PHACTR3: variants seen among roughly 807,000 people sequenced by gnomAD.
PHACTR3 encodes the protein protein phosphatase 1, regulatory subunit 123.
PHACTR3 carries 16 observed loss-of-function variants against 66.8 expected under a neutral mutation model. That is an observed-to-expected ratio of 0.24 (90% CI 0.16 to 0.36). The LOEUF (loss-of-function observed/expected upper bound fraction) is 0.36, where lower values mean the gene tolerates loss of function less well. PHACTR3 is among the 10% of genes least tolerant of loss of function. PHACTR3 has a pLI of 1.00. For synonymous variants in PHACTR3, 323 were observed against 292.1 expected (o/e 1.11, Z -1.08); for missense variants, 647 against 719.9 (o/e 0.90, Z 1.16).
chr20:59,642,494 C>A (rs1021186768), intron 1 of PHACTR3, among the ~76,000 whole-genome samples: 1 of 150,958 alleles, frequency 6.6e-6, no homozygotes, highest in Non-Finnish European at 1.5e-5. Flanking sequence ...ACATTTTTCC[C>A]GTGTCGGGAT....
intron 1 of PHACTR3, among the ~76,000 whole-genome samples, chr20:59,670,906 A>G (rs991247780): frequency 6.6e-6 from 1 of 152,072 alleles, no homozygotes; most frequent in African/African-American, 2.4e-5. Context: ...AGCACCTTAA[A>G]TGTTCTTGCC....
At chr20:59,752,155 A>G (rs1206262174) in intron 3 of PHACTR3, among the ~76,000 whole-genome samples, 1 of 152,146 alleles carries the variant, frequency 6.6e-6, no homozygotes, top group Non-Finnish European at 1.5e-5. Flanking sequence ...TCTGGTTTCC[A>G]TGTGGTAGGA....
intron 1 of PHACTR3, among the ~76,000 whole-genome samples, chr20:59,666,960 G>C (rs2036016028): frequency 6.6e-6 from 1 of 152,190 alleles, no homozygotes; most frequent in Admixed American, 6.5e-5. Context: ...CATTACCTTT[G>C]AGGGTCGTTT....
intron 1 of PHACTR3, among the ~76,000 whole-genome samples, chr20:59,692,255 C>A (rs549144219): frequency 6.6e-6 from 1 of 152,208 alleles, no homozygotes; most frequent in Non-Finnish European, 1.5e-5. Flanking sequence ...CAAGCCTGTA[C>A]CCAACGGGGC....
intron 5 of PHACTR3, among the ~76,000 whole-genome samples, chr20:59,771,114 C>A (rs976324221): frequency 2.0e-5 from 3 of 152,186 alleles, no homozygotes; most frequent in Admixed American, 6.5e-5. Flanking sequence ...CTGTGATTGA[C>A]AGTGGGGCAG....
intron 1 of PHACTR3, among the ~76,000 whole-genome samples, chr20:59,622,404 G>A (rs567442968): frequency 6.6e-6 from 1 of 152,290 alleles, no homozygotes; most frequent in South Asian, 2.1e-4. Context: ...GTGGGTATGA[G>A]TTCCAGATGA....
Position 59,604,590 on chromosome 20 carries a change from G to A in PHACTR3, c.-425G>A, listed in dbSNP as rs2033589755. 1 of 475,432 alleles carries A rather than the reference G, an allele frequency of 2.1e-6. No individual in the cohort carries two copies. The highest frequency in any genetic ancestry group is 2.1e-5 in the African/African-American group (1 of 46,574). The allele number at this position is 475,432 out of a possible 1,614,324, so 29.5% of individuals were successfully genotyped here. ...GATTCTTCCTTTTCCCTTTTTTCCT[G>A]GGGGGGTGGGGGGTGGGGTGGGGGG... On this transcript the variant is annotated 5_prime_UTR_variant, in exon 1 of 13. Transcript: ENST00000371015.
At chr20:59,641,829 A>C (rs2035111689) in intron 1 of PHACTR3, among the ~76,000 whole-genome samples, 1 of 152,222 alleles carries the variant, frequency 6.6e-6, no homozygotes, top group Non-Finnish European at 1.5e-5. Context: ...GGTGGTTTCC[A>C]ATGTTTCTGT....
At chr20:59,653,042 T>C (rs2035505111) in intron 1 of PHACTR3, among the ~76,000 whole-genome samples, 1 of 152,186 alleles carries the variant, frequency 6.6e-6, no homozygotes, top group Non-Finnish European at 1.5e-5. Context: ...GAGTGTACTT[T>C]GTTATATGAT....
chr20:59,834,359 G>C (rs754530331), intron 8 of PHACTR3, among the ~76,000 whole-genome samples: 12 of 152,182 alleles, frequency 7.9e-5, no homozygotes, highest in South Asian at 2.1e-4. Flanking sequence ...TTCACACACA[G>C]AGGCTGTTGG....
intron 1 of PHACTR3, among the ~76,000 whole-genome samples, chr20:59,615,334 A>G (rs1310988312): frequency 6.6e-6 from 1 of 152,226 alleles, no homozygotes; most frequent in Non-Finnish European, 1.5e-5. Context: ...TGGCCCGGCC[A>G]TGATTACTTA....
intron 8 of PHACTR3, among the ~76,000 whole-genome samples, chr20:59,828,800 A>G (rs1412345241): frequency 6.6e-6 from 1 of 151,940 alleles, no homozygotes; most frequent in Admixed American, 6.6e-5. Flanking sequence ...GGATGGTGGG[A>G]ACCCGGGCTT....
intron 1 of PHACTR3, among the ~76,000 whole-genome samples, chr20:59,625,808 T>TGA (rs1367232951): frequency 1.3e-5 from 2 of 152,164 alleles, no homozygotes; most frequent in Non-Finnish European, 2.9e-5. Context: ...GGTTCTTGGC[T>TGA]GAGAGCTCCT....
intron 1 of PHACTR3, among the ~76,000 whole-genome samples, chr20:59,696,039 G>A (rs187848104): frequency 1.2e-3 from 184 of 152,240 alleles, no homozygotes; most frequent in Non-Finnish European, 2.3e-3. Flanking sequence ...AGACTATTTT[G>A]TTTTGACCTG....
chr20:59,728,766 T>C (rs771057803), intron 1 of PHACTR3, among the ~76,000 whole-genome samples: 15 of 151,992 alleles, frequency 9.9e-5, no homozygotes, highest in Non-Finnish European at 1.9e-4. Context: ...AAAGTATTTG[T>C]TGGGTGCCTG....
chr20:59,578,050 T>G (rs2032764108), intron 1 of PHACTR3, among the ~76,000 whole-genome samples: 1 of 152,228 alleles, frequency 6.6e-6, no homozygotes, highest in Non-Finnish European at 1.5e-5. Flanking sequence ...GGGAGGGCTC[T>G]GTGCTTGATC....
chr20:59,614,118 T>G (rs568857910), intron 1 of PHACTR3, among the ~76,000 whole-genome samples: 1 of 152,368 alleles, frequency 6.6e-6, no homozygotes, highest in East Asian at 1.9e-4. Flanking sequence ...CAAGTGAGTC[T>G]GAGGCCTGGC....
At chr20:59,601,749 CTCA>C (rs1402966072), upstream of PHACTR3, among the ~76,000 whole-genome samples, 1 of 152,194 alleles carries the variant, frequency 6.6e-6, no homozygotes, top group African/African-American at 2.4e-5. Context: ...TATGGAACAT[CTCA>C]AAGCCAAAGA....
At chr20:59,601,193 A>G (rs1023551316), upstream of PHACTR3, among the ~76,000 whole-genome samples, 4 of 152,160 alleles carry the variant, frequency 2.6e-5, no homozygotes, top group African/African-American at 4.8e-5. Flanking sequence ...TTGGATGGAC[A>G]TTGCATATAA....
Sources: allele counts gnomAD v4.1 joint callset (sites outside exome capture counted in the v4.1 genomes callset), GRCh38; gene constraint gnomAD v4.1.1; transcripts MANE v1.5; gene names NCBI Gene and HGNC (gene_info 2026-07-23, HGNC 2026-07-21).